Variants in COMMD10 observed in about 807,000 individuals in gnomAD.
The protein encoded by COMMD10 is COMM domain-containing protein 10.
COMMD10 carries 33 observed loss-of-function variants against 28.9 expected under a neutral mutation model. The ratio of observed to expected loss-of-function variants is 1.14; its 90% CI spans 0.87 to 1.53. COMMD10 has a LOEUF of 1.53. Among genes scored for constraint, COMMD10 ranks in the 40% most tolerant of loss-of-function variants. The probability of loss-of-function intolerance (pLI) is 0.00; values close to 1 mark genes in which losing one functional copy is unlikely to be tolerated. For missense variants in COMMD10, 310 were observed against 233.4 expected (o/e 1.33, Z -2.14); for synonymous variants, 110 against 81.7 (o/e 1.35, Z -1.87).
chr5:116,264,569 G>T (rs1419420458), intron 5 of COMMD10, among the ~76,000 whole-genome samples: 2 of 151,998 alleles, frequency 1.3e-5, no homozygotes, highest in East Asian at 3.9e-4. Flanking sequence ...TAAAGGTCAA[G>T]TCAAGGCTTA....
At chr5:116,213,317 C>G (rs774655947) in intron 5 of COMMD10, among the ~76,000 whole-genome samples, 8 of 152,226 alleles carry the variant, frequency 5.3e-5, no homozygotes, top group Non-Finnish European at 4.4e-5. Context: ...TAGTTGAGTT[C>G]TTGTTACTTC....
chr5:116,125,529 T>C (rs1751597573), intron 4 of COMMD10, among the ~76,000 whole-genome samples: 1 of 152,134 alleles, frequency 6.6e-6, no homozygotes, highest in East Asian at 1.9e-4. Flanking sequence ...TTATGTGACT[T>C]GGAGTTGCTC....
In COMMD10 at chr5:116,085,071, C is replaced by G. The variant is rs1381519760; in HGVS notation, c.19C>G (p.Leu7Val). 2.5e-6 allele frequency: 4 copies of G among 1,610,060 alleles called. No homozygotes were observed. The highest frequency in any genetic ancestry group is 3.4e-6 in the Non-Finnish European group (4 of 1,179,114). The change falls in exon 1 of 7, where the codon CTG becomes GTG. Residue 7 changes from leucine (L) to valine (V), a missense_variant. Physicochemically the swap from Leu to Val is conservative, Grantham distance 32. Transcript: ENST00000274458. ...GCCGAAGATGGCGGTCCCCGCGGCG[C>G]TGATCCTACGGGAGAGCCCCAGGTA... is the stretch of plus-strand genomic sequence containing the variant. MAVPAA[L>V]ILRESPSMKK...
intron 1 of COMMD10, chr5:116,085,342 A>G (rs1580431056): frequency 4.0e-6 from 2 of 504,388 alleles, no homozygotes; most frequent in East Asian, 6.9e-5. Context: ...TCTGTACGGA[A>G]GCGTGTGGTC....
Position 116,177,500 on chromosome 5 carries a change from C to CT in COMMD10, c.510+43325dup, listed in dbSNP as rs1185526670. Among the ~76,000 whole-genome samples, 3 of 148,182 alleles carry CT rather than the reference C, an allele frequency of 2.0e-5. No homozygotes were observed. The East Asian group carries it at 5.9e-4, about 29-fold the overall frequency. On this transcript the variant is annotated intron_variant, in intron 5 of 6. Coordinates refer to ENST00000274458, the MANE Select transcript of COMMD10 (RefSeq NM_016144.4). ...TCTAAAACAAAGTTCTGATATGATA[C>CT]TTTCCTGCTTAAAATGTCTAAGTGA...
intron 5 of COMMD10, among the ~76,000 whole-genome samples, chr5:116,140,683 A>T (rs1213535059): frequency 6.6e-6 from 1 of 151,788 alleles, no homozygotes; most frequent in Non-Finnish European, 1.5e-5. Flanking sequence ...GTGATATGGA[A>T]CATCTTTTCA....
chr5:116,182,692 A>G (rs1748010951), intron 5 of COMMD10, among the ~76,000 whole-genome samples: 1 of 152,142 alleles, frequency 6.6e-6, no homozygotes, highest in Non-Finnish European at 1.5e-5. Context: ...CCAAGTAAAA[A>G]GGGATTAAAA....
At chr5:116,223,650 G>A (rs146028943) in intron 5 of COMMD10, among the ~76,000 whole-genome samples, 2 of 152,322 alleles carry the variant, frequency 1.3e-5, no homozygotes, top group East Asian at 1.9e-4. Context: ...GGTTGAGTCA[G>A]AGAGGGACAG....
chr5:116,178,619 A>C (rs908875935), intron 5 of COMMD10, among the ~76,000 whole-genome samples: 1 of 152,104 alleles, frequency 6.6e-6, no homozygotes, highest in Admixed American at 6.6e-5. Context: ...AACATTCACT[A>C]TTCTAATTCC....
chr5:116,290,348 T>C (rs1174348552), intron 5 of COMMD10, among the ~76,000 whole-genome samples: 1 of 149,334 alleles, frequency 6.7e-6, no homozygotes, highest in Non-Finnish European at 1.5e-5. Flanking sequence ...AAAGCAGATG[T>C]ACTTCTTTTT....
chr5:116,185,152 A>G (rs1748095879), intron 5 of COMMD10, among the ~76,000 whole-genome samples: 1 of 152,172 alleles, frequency 6.6e-6, no homozygotes, highest in Admixed American at 6.6e-5. Flanking sequence ...TTGCGCCCAT[A>G]GATCTTTATA....
intron 4 of COMMD10, among the ~76,000 whole-genome samples, chr5:116,127,453 G>A (rs1002736920): frequency 2.6e-5 from 4 of 152,140 alleles, no homozygotes; most frequent in African/African-American, 9.7e-5. Context: ...TATAAATCAT[G>A]CTGCTATAAA....
intron 5 of COMMD10, among the ~76,000 whole-genome samples, chr5:116,160,966 A>T (rs923090421): frequency 1.3e-5 from 2 of 151,756 alleles, no homozygotes; most frequent in African/African-American, 4.8e-5. Flanking sequence ...AATTTCAGGT[A>T]TTTTTTTCAT....
intron 5 of COMMD10, among the ~76,000 whole-genome samples, chr5:116,156,497 C>T (rs944223517): frequency 2.6e-5 from 4 of 152,146 alleles, no homozygotes; most frequent in African/African-American, 9.7e-5. Context: ...TTAAAATGCT[C>T]AGGTTCTTAC....
At chr5:116,221,117 T>C (rs1237673941) in intron 5 of COMMD10, among the ~76,000 whole-genome samples, 1 of 151,330 alleles carries the variant, frequency 6.6e-6, no homozygotes, top group Non-Finnish European at 1.5e-5. Flanking sequence ...CAAAGGCACA[T>C]TGGCACCTTT....
intron 5 of COMMD10, among the ~76,000 whole-genome samples, chr5:116,139,623 A>G (rs1035253930): frequency 5.9e-5 from 9 of 151,324 alleles, no homozygotes; most frequent in African/African-American, 1.7e-4. Context: ...ATCACGTATC[A>G]TATCTTTATT....
rs60638341 is a variant in COMMD10 at position 116,226,659 on chromosome 5, G to GA, written c.511-64848dup. ...AACCAAGCCCTGTAGTAACACAAGGGAAAAAAAAAATTCCTGAAGCCAATA... is the reference window on the plus strand; with the variant it reads ...AACCAAGCCCTGTAGTAACACAAGGGAAAAAAAAAAATTCCTGAAGCCAATA... On this transcript the variant is annotated intron_variant, in intron 5 of 6. Transcript: ENST00000274458. Among the ~76,000 whole-genome samples, 90 of 149,490 alleles carry GA rather than the reference G, an allele frequency of 6.0e-4. 3 individuals are homozygous for GA. The highest frequency in any genetic ancestry group is 3.4e-3 in the Middle Eastern group (1 of 292).
chr5:116,244,935 A>C (rs1488603998), intron 5 of COMMD10, among the ~76,000 whole-genome samples: 1 of 152,038 alleles, frequency 6.6e-6, no homozygotes, highest in African/African-American at 2.4e-5. Flanking sequence ...TAGGAAACCA[A>C]GAGCAAACAA....
At position 116,233,233 on chromosome 5, in the gene COMMD10, A is replaced by G. The variant is rs971153484; in HGVS notation, c.511-58284A>G. Among the ~76,000 whole-genome samples the G allele has an allele frequency of 5.9e-5, 9 of 152,156 alleles. No homozygotes were observed. In the South Asian group the frequency reaches 1.2e-3, roughly 21 times the overall value. ...TGTGAGAGAGAAAGACTACATTCTC[A>G]TGACTCTTATTACAGTATATAGTTA... On this transcript the variant is annotated intron_variant, in intron 5 of 6. Coordinates refer to ENST00000274458, the MANE Select transcript of COMMD10 (RefSeq NM_016144.4).
Sources: allele counts gnomAD v4.1 joint callset (sites outside exome capture counted in the v4.1 genomes callset), GRCh38; gene constraint gnomAD v4.1.1; transcripts MANE v1.5; gene names NCBI Gene and HGNC (gene_info 2026-07-23, HGNC 2026-07-21).